Variants in PRKG1 observed in about 807,000 individuals in gnomAD.
PRKG1 encodes the protein cGMP-dependent protein kinase 1.
A neutral mutation model predicts 88.1 loss-of-function variants in PRKG1; 35 were observed. The ratio of observed to expected loss-of-function variants is 0.40; its 90% confidence interval spans 0.30 to 0.53. The LOEUF is 0.53. Ranked by LOEUF, PRKG1 falls within the 20% of genes least tolerant of loss-of-function variation. The pLI, the probability that PRKG1 is intolerant of heterozygous loss-of-function variation, is 0.59. For missense variants in PRKG1, 540 were observed against 839.8 expected, an observed-to-expected ratio of 0.64 and a Z score of 4.41; for synonymous variants, 303 against 292.5, an observed-to-expected ratio of 1.04 and a Z score of -0.37.
chr10:51,478,281 A>G (rs2132840131), intron 3 of PRKG1, among the ~76,000 whole-genome samples: 1 of 152,248 alleles, frequency 6.6e-6, no homozygotes, highest in Non-Finnish European at 1.5e-5. Flanking sequence ...AGTAGATTGT[A>G]TCTTAAGATG....
rs887068187 is a variant in PRKG1, at chr10:51,093,811, C to T, written c.311+18910C>T. On this transcript the variant is annotated intron_variant, in intron 1 of 17. Transcript: ENST00000373980. ...TTTTATATATATATATACACACACA[C>T]ACACACACACACACACACACACACG... Among the ~76,000 whole-genome samples the T allele has an allele frequency of 3.4e-4, 51 of 147,828 alleles. 1 individual carries two copies. In the South Asian group the frequency reaches 5.3e-3, roughly 15 times the overall value.
At chr10:51,456,923 C>G (rs921675337) in intron 2 of PRKG1, among the ~76,000 whole-genome samples, 5 of 152,072 alleles carry the variant, frequency 3.3e-5, no homozygotes, top group African/African-American at 9.7e-5. Flanking sequence ...ACAATAAAAA[C>G]AGTCAAAAAA....
intron 3 of PRKG1, among the ~76,000 whole-genome samples, chr10:51,746,769 AG>A (rs1837592122): frequency 6.6e-6 from 1 of 152,014 alleles, no homozygotes; most frequent in Admixed American, 6.6e-5. Context: ...AGAAAAAAAA[AG>A]AAAAGAAAAG....
intron 4 of PRKG1, among the ~76,000 whole-genome samples, chr10:51,819,941 T>A (rs1009716140): frequency 6.6e-6 from 1 of 152,192 alleles, no homozygotes; most frequent in African/African-American, 2.4e-5. Context: ...AGCTTCATCA[T>A]CATGACAATT....
chr10:51,426,910 G>C lies in PRKG1; in HGVS notation c.479-40813G>C. On this transcript the variant is annotated intron_variant, in intron 2 of 17. Transcript: ENST00000373980. ...TCTGCCATATGACTTTCTTTTTTTT[G>C]ATATTTCTCTTTTACCTTTGTTATT... 1.3e-5 allele frequency among the ~76,000 whole-genome samples: 2 copies of C among 151,726 alleles called. 1 individual carries two copies. The highest frequency in any genetic ancestry group is 1.3e-4 in the Admixed American group (2 of 15,250).
chr10:51,843,693 T>C (rs1840335016), intron 4 of PRKG1, among the ~76,000 whole-genome samples: 1 of 152,186 alleles, frequency 6.6e-6, no homozygotes, highest in South Asian at 2.1e-4. Flanking sequence ...CTCTAATTCT[T>C]CATGCCACCA....
At chr10:51,302,671 A>G (rs1057502509) in intron 2 of PRKG1, 1 of 152,106 alleles carries the variant, frequency 6.6e-6, no homozygotes, top group African/African-American at 2.4e-5. Flanking sequence ...TCCAGGCTAC[A>G]AGAGAGGATA....
chr10:51,799,941 G>A (rs984881651), intron 3 of PRKG1, among the ~76,000 whole-genome samples: 5 of 151,998 alleles, frequency 3.3e-5, no homozygotes, highest in African/African-American at 1.2e-4. Context: ...CATTTATATT[G>A]AAATACTGTG....
chr10:51,236,833 A>T (rs1839006317), intron 2 of PRKG1, among the ~76,000 whole-genome samples: 1 of 152,114 alleles, frequency 6.6e-6, no homozygotes, highest in Non-Finnish European at 1.5e-5. Context: ...GTTTTGTGAG[A>T]TGCCAGTATA....
At chr10:52,150,185 T>TAATAATAATAATAATAATAA (rs771689961) in intron 8 of PRKG1, among the ~76,000 whole-genome samples, 1 of 149,632 alleles carries the variant, frequency 6.7e-6, no homozygotes, top group African/African-American at 2.5e-5. Context: ...ATAATAATAA[T>TAATAATAATAATAATAATAA]TTGATTGGCC....
chr10:51,504,618 C>A (rs1280920867), intron 3 of PRKG1, among the ~76,000 whole-genome samples: 1 of 152,132 alleles, frequency 6.6e-6, no homozygotes, highest in African/African-American at 2.4e-5. Flanking sequence ...GAATGTTCTT[C>A]CATTTGTTTG....
At chr10:51,277,121 A>G (rs939629868) in intron 2 of PRKG1, among the ~76,000 whole-genome samples, 1 of 152,056 alleles carries the variant, frequency 6.6e-6, no homozygotes, top group Non-Finnish European at 1.5e-5. Flanking sequence ...TTTAATCCAT[A>G]TTGAATTAAT....
chr10:51,093,021 C>A (rs1844435692), intron 1 of PRKG1, among the ~76,000 whole-genome samples: 1 of 152,114 alleles, frequency 6.6e-6, no homozygotes, highest in African/African-American at 2.4e-5. Context: ...ACAGGATTTT[C>A]AAAACACACT....
At chr10:52,162,589 A>G (rs1838306049) in intron 9 of PRKG1, among the ~76,000 whole-genome samples, 1 of 152,148 alleles carries the variant, frequency 6.6e-6, no homozygotes, top group Admixed American at 6.5e-5. Flanking sequence ...TGTAATTAGT[A>G]TTTAATAGCA....
intron 6 of PRKG1, among the ~76,000 whole-genome samples, chr10:52,058,086 A>G (rs1173814662): frequency 2.6e-5 from 4 of 151,984 alleles, no homozygotes; most frequent in African/African-American, 4.8e-5. Flanking sequence ...AAATTTAATA[A>G]GAGTTTAGCA....
chr10:51,967,374 A>G (rs1238815577), intron 5 of PRKG1, among the ~76,000 whole-genome samples: 1 of 152,054 alleles, frequency 6.6e-6, no homozygotes, highest in Non-Finnish European at 1.5e-5. Flanking sequence ...GAACACATGG[A>G]CACAGGAAGG....
intron 3 of PRKG1, among the ~76,000 whole-genome samples, chr10:51,738,786 T>A (rs1837357591): frequency 6.6e-6 from 1 of 152,230 alleles, no homozygotes; most frequent in African/African-American, 2.4e-5. Context: ...CCTTTTAAAG[T>A]TAAAATTCTA....
chr10:51,928,121 AT>A (rs1842616976), intron 5 of PRKG1, among the ~76,000 whole-genome samples: 1 of 152,154 alleles, frequency 6.6e-6, no homozygotes, highest in African/African-American at 2.4e-5. Flanking sequence ...GGCTTCTGTC[AT>A]TACTTTCAGT....
intron 3 of PRKG1, among the ~76,000 whole-genome samples, chr10:51,548,364 TA>T (rs1564544695): frequency 6.6e-6 from 1 of 152,128 alleles, no homozygotes; most frequent in Non-Finnish European, 1.5e-5. Context: ...CTGTCTAATA[TA>T]GATAAACATT....
Sources: allele counts gnomAD v4.1 joint callset (sites outside exome capture counted in the v4.1 genomes callset), GRCh38; gene constraint gnomAD v4.1.1; transcripts MANE v1.5; gene names NCBI Gene and HGNC (gene_info 2026-07-23, HGNC 2026-07-21).